Variants in NANOS3 observed in about 807,000 individuals in gnomAD.
NANOS3 encodes the protein nanos homolog 3.
A neutral mutation model predicts 13.8 loss-of-function variants in NANOS3; 11 were observed. That is an observed-to-expected ratio of 0.80 (90% CI 0.50 to 1.32). The LOEUF is 1.32. NANOS3 is among the 40% of genes most tolerant of loss of function. The probability of loss-of-function intolerance (pLI) is 0.00; values close to 1 mark genes in which losing one functional copy is unlikely to be tolerated. For synonymous variants in NANOS3, 119 were observed against 115.4 expected, an observed-to-expected ratio of 1.03 and a Z score of -0.20; for missense variants, 221 against 263.8, an observed-to-expected ratio of 0.84 and a Z score of 1.12.
In NANOS3 at chr19:13,877,313, G is replaced by T. The variant is rs944737466; in HGVS notation, c.65G>T (p.Gly22Val). 9 of 1,613,122 alleles carry T rather than the reference G, an allele frequency of 5.6e-6. No individual in the cohort carries two copies. The highest frequency in any genetic ancestry group is 6.8e-6 in the Non-Finnish European group (8 of 1,180,024). Residue 22 changes from glycine (G) to valine (V), a missense_variant, in exon 1 of 2, where the codon GGG becomes GTG. Around this residue, in one of 3 missense-constraint regions of NANOS3, gnomAD observed 112 missense variants for 116.3 expected, o/e 0.96. Transcript: ENST00000339133. ...GLAHLVRALS[G>V]KEGPETRLSP... ...GCACACCTGGTTAGGGCTCTGAGTG[G>T]GAAAGAGGGTCCTGAAACCAGGCTG...
Position 13,880,537 on chromosome 19 carries a change from C to T in NANOS3, c.*34C>T, listed in dbSNP as rs1414267631. 6.2e-7 allele frequency: 1 copy of T among 1,601,130 alleles called. No individual in the cohort carries two copies. The highest frequency in any genetic ancestry group is 8.6e-7 in the Non-Finnish European group (1 of 1,169,252). ...CTACACCTGGGCAAGGGCACCCGGG[C>T]TCGGCTGGATTTCCAGGAAGACCCA... On this transcript the variant is annotated 3_prime_UTR_variant, in exon 2 of 2. Transcript: ENST00000339133.
upstream of NANOS3, among the ~76,000 whole-genome samples, chr19:13,872,517 C>A (rs950547402): frequency 6.6e-6 from 1 of 152,168 alleles, no homozygotes; most frequent in Non-Finnish European, 1.5e-5. Flanking sequence ...GAGCCACTTA[C>A]CTTCCCAGTC....
Position 13,880,621 on chromosome 19 carries a change from G to T in NANOS3, c.*118G>T, listed in dbSNP as rs1043929071. ...CCCCCAGCCTGGGATTGAGCCCTGGGGATGACCCGGGGTTGGCAAGGGAAG... is the reference window on the plus strand; with the variant it reads ...CCCCCAGCCTGGGATTGAGCCCTGGTGATGACCCGGGGTTGGCAAGGGAAG... On this transcript the variant is annotated 3_prime_UTR_variant, in exon 2 of 2. Transcript: ENST00000339133. 25 of 858,560 alleles carry T rather than the reference G, an allele frequency of 2.9e-5. No homozygotes were observed. Among genetic ancestry groups the T allele is most frequent in the Non-Finnish European group, 4.4e-5 (23 of 526,968 alleles). 53.2% of individuals were successfully genotyped at this position (858,560 alleles called of 1,614,324 possible).
intron 1 of NANOS3, among the ~76,000 whole-genome samples, chr19:13,870,423 A>G (rs1221364127): frequency 6.6e-6 from 1 of 151,434 alleles, no homozygotes; most frequent in African/African-American, 2.4e-5. Context: ...CCATCCATCC[A>G]TCCATCCATC....
chr19:13,879,959 G>T (rs1023829134), intron 1 of NANOS3, among the ~76,000 whole-genome samples: 4 of 152,186 alleles, frequency 2.6e-5, no homozygotes, highest in Admixed American at 2.6e-4. Flanking sequence ...CCGGGAGGTG[G>T]AGGTCGCAGT....
At chr19:13,880,205 G>A (rs1751625419) in intron 1 of NANOS3, among the ~76,000 whole-genome samples, 1 of 152,178 alleles carries the variant, frequency 6.6e-6, no homozygotes, top group Admixed American at 6.5e-5. Context: ...CCCAGAGCAC[G>A]GCGGCCACGA....
At chr19:13,878,209 T>G (rs2145081909) in intron 1 of NANOS3, among the ~76,000 whole-genome samples, 1 of 150,342 alleles carries the variant, frequency 6.7e-6, no homozygotes, top group South Asian at 2.1e-4. Context: ...ATTACAGGCG[T>G]GAGCACCGCA....
intron 1 of NANOS3, among the ~76,000 whole-genome samples, chr19:13,878,227 AGTTT>A (rs1020154845): frequency 1.4e-5 from 2 of 142,156 alleles, no homozygotes; most frequent in African/African-American, 5.3e-5. Flanking sequence ...GCACCGAGCC[AGTTT>A]GTTTATGTAT....
Position 13,877,782 on chromosome 19 carries a change from C to A in NANOS3, c.517+17C>A. ...GAGGAGCAGGTGCCTGCACAGGTGG[C>A]TGGGGGGGACCTGTCCGAGGGTAGT... On this transcript the variant is annotated intron_variant, in intron 1 of 1. Transcript: ENST00000339133. 1 of 1,538,752 alleles carries A rather than the reference C, an allele frequency of 6.5e-7. No homozygotes were observed. The highest frequency in any genetic ancestry group is 1.2e-5 in the South Asian group (1 of 83,898).
At chr19:13,878,808 G>C (rs1459217602) in intron 1 of NANOS3, among the ~76,000 whole-genome samples, 2 of 151,076 alleles carry the variant, frequency 1.3e-5, no homozygotes, top group Admixed American at 6.6e-5. Context: ...ATAGAAACAG[G>C]GTCTTACTAT....
At chr19:13,871,777 G>A (rs1424798348) in intron 1 of NANOS3, among the ~76,000 whole-genome samples, 1 of 152,182 alleles carries the variant, frequency 6.6e-6, no homozygotes, top group Non-Finnish European at 1.5e-5. Context: ...GGAGGCCCAG[G>A]AGTTCGCGAC....
At chr19:13,871,177 G>A (rs1044575073) in intron 1 of NANOS3, among the ~76,000 whole-genome samples, 2 of 152,098 alleles carry the variant, frequency 1.3e-5, no homozygotes, top group Admixed American at 6.5e-5. Flanking sequence ...GGGGACAGGA[G>A]GGGACAGGTA....
chr19:13,872,412 A>G (rs1029122181), upstream of NANOS3, among the ~76,000 whole-genome samples: 1 of 151,422 alleles, frequency 6.6e-6, no homozygotes, highest in African/African-American at 2.4e-5. Flanking sequence ...GCTAGTCTCA[A>G]CTTCTGGGCT....
intron 1 of NANOS3, 57 bp from the exon 2 acceptor site, chr19:13,880,385 G>A (rs2145085280): frequency 3.2e-6 from 5 of 1,554,192 alleles, no homozygotes; most frequent in Non-Finnish European, 4.4e-6. Context: ...TGGGCAACTT[G>A]GGGAGCGTTG....
intron 1 of NANOS3, among the ~76,000 whole-genome samples, chr19:13,879,003 G>A (rs1305944534): frequency 2.0e-5 from 3 of 150,908 alleles, no homozygotes; most frequent in Non-Finnish European, 3.0e-5. Context: ...GTGCAGTGGC[G>A]CGATCTTGGC....
At chr19:13,872,299 C>A (rs1042467669), upstream of NANOS3, among the ~76,000 whole-genome samples, 3 of 144,440 alleles carry the variant, frequency 2.1e-5, no homozygotes, top group African/African-American at 7.8e-5. Flanking sequence ...GGGCAGAGAT[C>A]GCGCCACTGC....
chr19:13,864,378 T>C (rs1320314634), upstream of NANOS3, among the ~76,000 whole-genome samples: 1 of 152,102 alleles, frequency 6.6e-6, no homozygotes, highest in Non-Finnish European at 1.5e-5. Context: ...ATTGCGTGTG[T>C]CCATGTGGAC....
chr19:13,864,638 A>G (rs1437183827), upstream of NANOS3, among the ~76,000 whole-genome samples: 2 of 151,758 alleles, frequency 1.3e-5, no homozygotes, highest in African/African-American at 4.8e-5. Flanking sequence ...GTTGGGGGGT[A>G]TATCTCAGGT....
Position 13,877,321 on chromosome 19 carries a change from G to A in NANOS3, c.73G>A (p.Gly25Ser). The A allele has an allele frequency of 6.2e-7, 1 of 1,612,988 alleles. No individual in the cohort carries two copies. The highest frequency in any genetic ancestry group is 8.5e-7 in the Non-Finnish European group (1 of 1,180,016). The part of the protein sequence containing the change: ...HLVRALSGKE[G>S]PETRLSPQPE... ...GGTTAGGGCTCTGAGTGGGAAAGAG[G>A]GTCCTGAAACCAGGCTGAGCCCCCA... Residue 25 changes from glycine (G) to serine (S), a missense_variant, in exon 1 of 2, where the codon GGT (glycine) becomes AGT (serine). Physicochemically the swap from Gly to Ser is moderately conservative, Grantham distance 56. This residue lies in a region of NANOS3 where 112 missense variants were observed against 116.3 expected (regional missense o/e 0.96). Coordinates refer to ENST00000339133, the MANE Select transcript of NANOS3 (RefSeq NM_001098622.3).
Sources: gnomAD v4.1 joint callset for allele counts (sites outside exome capture counted in the v4.1 genomes callset) on GRCh38, gnomAD v4.1.1 for gene constraint, gnomAD v4.1.1 regional missense constraint, MANE v1.5 for transcripts, NCBI Gene and HGNC (gene_info 2026-07-23, HGNC 2026-07-21) for gene names.